TMEM181: variants seen among roughly 807,000 people sequenced by gnomAD.
TMEM181 encodes the protein G protein-coupled receptor 178.
In TMEM181, 39 loss-of-function variants were observed where a neutral mutation model predicts 71.9. The ratio of observed to expected loss-of-function variants is 0.54; its 90% CI spans 0.42 to 0.71. TMEM181 has a LOEUF of 0.71. TMEM181 is among the 30% of genes least tolerant of loss of function. The pLI, the probability that TMEM181 is intolerant of heterozygous loss-of-function variation, is 0.00. For missense variants in TMEM181, 595 were observed against 583.0 expected (o/e 1.02, Z -0.21); for synonymous variants, 245 against 228.8 (o/e 1.07, Z -0.64).
chr6:158,607,661 C>T (rs1785026185), intron 8 of TMEM181, among the ~76,000 whole-genome samples: 1 of 152,138 alleles, frequency 6.6e-6, no homozygotes, highest in Non-Finnish European at 1.5e-5. Flanking sequence ...CAGAGCAAGA[C>T]CCTGTCTCTT....
intron 9 of TMEM181, 57 bp from the exon 10 acceptor site, chr6:158,608,602 T>C: frequency 3.8e-6 from 6 of 1,597,064 alleles, no homozygotes; most frequent in East Asian, 2.2e-5. Context: ...AATCACGTTA[T>C]GTACAATTAC....
chr6:158,536,926 G>T (rs1000183166), intron 1 of TMEM181: 1 of 1,202,898 alleles, frequency 8.3e-7, no homozygotes, highest in African/African-American at 1.6e-5. Context: ...GTCCCCTCCG[G>T]GACCCCGGCG....
chr6:158,605,953 G>T (rs1457741943), intron 7 of TMEM181, among the ~76,000 whole-genome samples: 1 of 152,162 alleles, frequency 6.6e-6, no homozygotes, highest in East Asian at 1.9e-4. Flanking sequence ...ATCTGTTGCC[G>T]CCCGAAGTGT....
At chr6:158,622,531 C>T (rs1786025456) in intron 10 of TMEM181, among the ~76,000 whole-genome samples, 1 of 152,168 alleles carries the variant, frequency 6.6e-6, no homozygotes, top group African/African-American at 2.4e-5. Flanking sequence ...GCACACATCC[C>T]TGGGGGGATG....
At chr6:158,552,353 T>C (rs1781746746) in intron 1 of TMEM181, among the ~76,000 whole-genome samples, 1 of 152,250 alleles carries the variant, frequency 6.6e-6, no homozygotes, top group Non-Finnish European at 1.5e-5. Flanking sequence ...GGTACTTACA[T>C]TTAATCAGAA....
At chr6:158,608,830 G>C in intron 10 of TMEM181, 80 bp downstream of exon 10, 1 of 1,319,724 alleles carries the variant, frequency 7.6e-7, no homozygotes, top group Non-Finnish European at 1.1e-6. Context: ...AGGCGTAGTG[G>C]CTCACGCCTG....
chr6:158,548,174 G>C (rs912916024), intron 1 of TMEM181, among the ~76,000 whole-genome samples: 7 of 152,132 alleles, frequency 4.6e-5, no homozygotes, highest in African/African-American at 1.7e-4. Flanking sequence ...TCCGAACACA[G>C]TAGTTTGGAA....
intron 10 of TMEM181, among the ~76,000 whole-genome samples, chr6:158,618,308 T>TTTGTTGTTGTTGTTGTTG (rs376129600): frequency 2.0e-5 from 3 of 151,744 alleles, no homozygotes; most frequent in Non-Finnish European, 4.4e-5. Flanking sequence ...AACCCCTGCT[T>TTTGTTGTTGTTGTTGTTG]TTGTTGTTGT....
At chr6:158,603,336 GT>G (rs147270407) in intron 6 of TMEM181, among the ~76,000 whole-genome samples, 5,977 of 152,154 alleles carry the variant, frequency 0.039, 258 homozygotes, top group East Asian at 0.15. Flanking sequence ...TTAGATTCTC[GT>G]AAGGAGCGTG....
intron 11 of TMEM181, among the ~76,000 whole-genome samples, chr6:158,624,847 C>T (rs1786179408): frequency 6.6e-6 from 1 of 152,168 alleles, no homozygotes; most frequent in African/African-American, 2.4e-5. Flanking sequence ...TGGACAGGTC[C>T]CTGGTGGGAG....
chr6:158,546,177 C>T (rs1291918122), intron 1 of TMEM181, among the ~76,000 whole-genome samples: 3 of 152,182 alleles, frequency 2.0e-5, no homozygotes, highest in Non-Finnish European at 2.9e-5. Context: ...TGGTGACAAG[C>T]TGGGAGCTCC....
chr6:158,598,403 G>A (rs972180711), intron 6 of TMEM181, among the ~76,000 whole-genome samples: 3 of 152,098 alleles, frequency 2.0e-5, no homozygotes, highest in East Asian at 1.9e-4. Flanking sequence ...GATGAAAACA[G>A]CAACTCACGT....
intron 1 of TMEM181, among the ~76,000 whole-genome samples, chr6:158,569,792 G>A (rs1562625662): frequency 1.3e-5 from 2 of 152,112 alleles, no homozygotes; most frequent in Non-Finnish European, 2.9e-5. Context: ...TAGAGATGGG[G>A]TTTCACCATG....
intron 1 of TMEM181, among the ~76,000 whole-genome samples, chr6:158,562,723 T>G (rs1251302504): frequency 6.6e-6 from 1 of 152,104 alleles, no homozygotes; most frequent in Non-Finnish European, 1.5e-5. Flanking sequence ...TTTAATTATT[T>G]AGGACTTTGT....
chr6:158,623,744 G>A, intron 11 of TMEM181, 137 bp downstream of exon 11: 2 of 556,902 alleles, frequency 3.6e-6, no homozygotes, highest in Non-Finnish European at 6.0e-6. Flanking sequence ...AAAGTTCAAG[G>A]GTGGAAGATT....
intron 13 of TMEM181, among the ~76,000 whole-genome samples, chr6:158,625,991 G>A (rs760469457): frequency 2.0e-5 from 3 of 152,206 alleles, no homozygotes; most frequent in Non-Finnish European, 2.9e-5. Flanking sequence ...CTCGGCCCGC[G>A]CTGGGCATGT....
chr6:158,601,822 C>G (rs1784687138), intron 6 of TMEM181, among the ~76,000 whole-genome samples: 1 of 151,870 alleles, frequency 6.6e-6, no homozygotes, highest in African/African-American at 2.4e-5. Flanking sequence ...TTACTAGCAT[C>G]CCCATTTTAT....
intron 10 of TMEM181, among the ~76,000 whole-genome samples, chr6:158,616,038 A>G (rs544312034): frequency 1.6e-3 from 240 of 152,288 alleles, no homozygotes; most frequent in African/African-American, 5.3e-3. Context: ...TTGGTAGCTT[A>G]ATGTGGATGG....
chr6:158,611,691 G>A (rs572200093), intron 10 of TMEM181: 2 of 243,514 alleles, frequency 8.2e-6, no homozygotes, highest in South Asian at 9.8e-5. Flanking sequence ...GCCCACACCT[G>A]TGCCCGAGGA....
Sources: gnomAD v4.1 joint callset for allele counts (sites outside exome capture counted in the v4.1 genomes callset) on GRCh38, gnomAD v4.1.1 for gene constraint, MANE v1.5 for transcripts, NCBI Gene and HGNC (gene_info 2026-07-23, HGNC 2026-07-21) for gene names.